The following PPFIA2 variants were observed in gnomAD, a reference collection of about 807,000 sequenced individuals.
PPFIA2 encodes the protein PPFI scaffold protein A2.
PPFIA2 carries 46 observed loss-of-function variants against 175.5 expected under a neutral mutation model. That is an observed-to-expected ratio of 0.26 (90% CI 0.21 to 0.34). The LOEUF is 0.34. Ranked by LOEUF, PPFIA2 falls within the 10% of genes least tolerant of loss-of-function variation. The probability of loss-of-function intolerance (pLI) is 1.00; values close to 1 mark genes in which losing one functional copy is unlikely to be tolerated. For missense variants in PPFIA2, 1,179 were observed against 1,506.1 expected (o/e 0.78, Z 3.60); for synonymous variants, 568 against 511.4 (o/e 1.11, Z -1.49).
Position 81,329,314 on chromosome 12 carries a change from T to C in PPFIA2, c.2549-3444A>G, listed in dbSNP as rs2055577988. ...CTTACATAATAAATTGTTTATCACC[T>C]TGTCAGGGTCCGCCTAGTGGTTGGG... On this transcript the variant is annotated intron_variant, in intron 21 of 32. Transcript: ENST00000549396. 3.9e-5 allele frequency among the ~76,000 whole-genome samples: 6 copies of C among 152,272 alleles called. No homozygotes were observed. The South Asian group carries it at 1.2e-3, about 32-fold the overall frequency.
At chr12:81,625,849 A>G (rs1363785062) in intron 4 of PPFIA2, among the ~76,000 whole-genome samples, 1 of 147,828 alleles carries the variant, frequency 6.8e-6, no homozygotes, top group Non-Finnish European at 1.5e-5. Context: ...TATTAAATAT[A>G]TTATAAATAT....
At chr12:81,291,491 T>C (rs998629614) in intron 24 of PPFIA2, among the ~76,000 whole-genome samples, 1 of 151,954 alleles carries the variant, frequency 6.6e-6, no homozygotes, top group Non-Finnish European at 1.5e-5. Flanking sequence ...TTCTTATACT[T>C]CAGCAGAGTA....
chr12:81,665,024 C>A (rs1274791441), intron 4 of PPFIA2, among the ~76,000 whole-genome samples: 1 of 151,690 alleles, frequency 6.6e-6, no homozygotes, highest in Non-Finnish European at 1.5e-5. Flanking sequence ...ACATCACACA[C>A]CGGGGCCTGT....
At chr12:81,427,423 G>A (rs1297977878) in intron 7 of PPFIA2, among the ~76,000 whole-genome samples, 1 of 151,982 alleles carries the variant, frequency 6.6e-6, no homozygotes. Context: ...TCGGGGTATT[G>A]TTACAGTCCT....
At chr12:81,265,390 G>A (rs902379891) in intron 30 of PPFIA2, among the ~76,000 whole-genome samples, 3 of 149,448 alleles carry the variant, frequency 2.0e-5, no homozygotes, top group East Asian at 2.0e-4. Flanking sequence ...TGTTACTGCA[G>A]AAAGTTGATA....
chr12:81,518,637 C>T (rs1012997906), intron 4 of PPFIA2, among the ~76,000 whole-genome samples: 2 of 152,106 alleles, frequency 1.3e-5, no homozygotes, highest in African/African-American at 4.8e-5. Flanking sequence ...CTTCACCTTT[C>T]TAAGCATTTC....
At chr12:81,409,080 G>T (rs1475270464) in intron 7 of PPFIA2, among the ~76,000 whole-genome samples, 1 of 152,168 alleles carries the variant, frequency 6.6e-6, no homozygotes, top group Non-Finnish European at 1.5e-5. Flanking sequence ...AGGTAGCACA[G>T]ACTTCTTTAG....
intron 13 of PPFIA2, chr12:81,368,115 T>G (rs1241847775): frequency 1.6e-6 from 2 of 1,288,040 alleles, no homozygotes; most frequent in Admixed American, 2.3e-5. Context: ...TAATTTATGC[T>G]CTGGAATTGG....
chr12:81,447,853 A>G (rs1464583570), intron 5 of PPFIA2, among the ~76,000 whole-genome samples: 1 of 152,126 alleles, frequency 6.6e-6, no homozygotes, highest in African/African-American at 2.4e-5. Context: ...TATATATCTC[A>G]TACAGATTTG....
intron 4 of PPFIA2, among the ~76,000 whole-genome samples, chr12:81,605,296 G>C (rs762306985): frequency 2.0e-5 from 3 of 151,654 alleles, no homozygotes; most frequent in Non-Finnish European, 4.4e-5. Flanking sequence ...TTGATAAATG[G>C]TCAGGGGAAA....
chr12:81,476,127 T>G (rs891469157), intron 4 of PPFIA2, among the ~76,000 whole-genome samples: 1 of 152,164 alleles, frequency 6.6e-6, no homozygotes, highest in South Asian at 2.1e-4. Flanking sequence ...AAGTTTTAGT[T>G]TGACCTCCTT....
Position 81,743,522 on chromosome 12 carries a change from T to A in PPFIA2, c.249+10451A>T, listed in dbSNP as rs572038765. ...GTGGGGGGGTGTTAATAGCTTTTTT[T>A]AAAAAAAAAAGAGAAATGTAGGTAC... On this transcript the variant is annotated intron_variant, in intron 3 of 32. Coordinates refer to ENST00000549396, the MANE Select transcript of PPFIA2 (RefSeq NM_003625.5). 2.9e-3 allele frequency among the ~76,000 whole-genome samples: 416 copies of A among 145,180 alleles called. 2 individuals are homozygous for A. Among genetic ancestry groups the A allele is most frequent in the Admixed American group, 8.6e-3 (123 of 14,358 alleles).
chr12:81,307,961 C>T (rs796348217), intron 22 of PPFIA2, among the ~76,000 whole-genome samples: 113 of 58,280 alleles, frequency 1.9e-3, no homozygotes, highest in African/African-American at 5.5e-3. Flanking sequence ...AGAACTCATG[C>T]TTTATTTTTT....
At chr12:81,393,948 T>G (rs1446617235) in intron 8 of PPFIA2, among the ~76,000 whole-genome samples, 1 of 152,054 alleles carries the variant, frequency 6.6e-6, no homozygotes, top group Non-Finnish European at 1.5e-5. Context: ...GGCCATTTAT[T>G]GGCATAAGAT....
intron 4 of PPFIA2, among the ~76,000 whole-genome samples, chr12:81,674,908 G>A (rs1425313815): frequency 2.0e-5 from 3 of 151,874 alleles, no homozygotes; most frequent in Non-Finnish European, 4.4e-5. Flanking sequence ...CCGGCAGTAT[G>A]TTCTAGATAG....
At chr12:81,348,381 A>G (rs981671598) in intron 17 of PPFIA2, among the ~76,000 whole-genome samples, 3 of 152,168 alleles carry the variant, frequency 2.0e-5, no homozygotes, top group African/African-American at 7.2e-5. Flanking sequence ...AGAAAAGGTA[A>G]TAATGTGAAA....
rs183492626 is a variant in PPFIA2 at position 81,390,496 on chromosome 12, T to C, written c.763-6252A>G. Among the ~76,000 whole-genome samples the C allele has an allele frequency of 2.9e-3, 445 of 152,150 alleles. 1 individual carries two copies. Among genetic ancestry groups the C allele is most frequent in the African/African-American group, 0.01 (416 of 41,552 alleles). On this transcript the variant is annotated intron_variant, in intron 8 of 32. Coordinates refer to ENST00000549396, the MANE Select transcript of PPFIA2 (RefSeq NM_003625.5). ...GTGGGTGCAAAGTGATATTTCCTTA[T>C]GGTTTGGATTTGCATTTCCTAATAA...
chr12:81,368,570 A>G (rs996416932), intron 13 of PPFIA2, among the ~76,000 whole-genome samples, 155 bp downstream of exon 13: 8 of 151,842 alleles, frequency 5.3e-5, no homozygotes, highest in Non-Finnish European at 8.8e-5. Flanking sequence ...ACACTTTTTT[A>G]AATAAAAAAT....
At chr12:81,601,069 A>G (rs2059741725) in intron 4 of PPFIA2, among the ~76,000 whole-genome samples, 1 of 151,914 alleles carries the variant, frequency 6.6e-6, no homozygotes, top group Admixed American at 6.6e-5. Context: ...GGAATTATGA[A>G]TCTTTCCAGC....
Sources: allele counts gnomAD v4.1 joint callset (sites outside exome capture counted in the v4.1 genomes callset), GRCh38; gene constraint gnomAD v4.1.1; transcripts MANE v1.5; gene names NCBI Gene and HGNC (gene_info 2026-07-23, HGNC 2026-07-21).